The following ZNF540 variants were observed in gnomAD, a reference collection of about 807,000 sequenced individuals.
The protein encoded by ZNF540 is zinc finger protein 540.
Under a neutral mutation model 11.8 loss-of-function variants are expected in ZNF540, and 3 were observed. That is an observed-to-expected ratio of 0.25 (90% CI 0.12 to 0.65). The LOEUF is 0.65. Among genes scored for constraint, ZNF540 ranks in the 30% least tolerant of loss-of-function variants. ZNF540 has a pLI of 0.83. For synonymous variants in ZNF540, 247 were observed against 259.0 expected, an observed-to-expected ratio of 0.95 and a Z score of 0.45; for missense variants, 709 against 793.1, an observed-to-expected ratio of 0.89 and a Z score of 1.27.
At position 37,566,178 on chromosome 19, in the gene ZNF540, T is replaced by C. The variant is rs746416785; in HGVS notation, c.-73+14513T>C. 7 of 1,614,010 alleles carry C rather than the reference T, an allele frequency of 4.3e-6. No homozygotes were observed. The South Asian group carries it at 5.5e-5, about 13-fold the overall frequency. The stretch of plus-strand genomic sequence containing the variant: ...CACTCCATATTGTCTCCAAGACCAT[T>C]GTATTGAAGGTGATGGTTGATACGT... On this transcript the variant is annotated intron_variant, in intron 1 of 4. Coordinates refer to the ZNF540 transcript ENST00000592533.
At position 37,611,615 on chromosome 19, in the gene ZNF540, G is replaced by C. The variant is rs201075691; in HGVS notation, c.335G>C (p.Arg112Pro). The part of the protein sequence containing the change: ...ESIIEKSKTL[R>P]LKGSIFRNEW... ...ATAATAGAAAAAAGTAAAACTCTTCGTCTGAAAGGATCCATTTTTAGAAAT... is the reference window on the plus strand; with the variant it reads ...ATAATAGAAAAAAGTAAAACTCTTCCTCTGAAAGGATCCATTTTTAGAAAT... Residue 112 changes from arginine (R) to proline (P), a missense_variant, in exon 5 of 5, where the codon CGT (arginine) becomes CCT (proline). Coordinates refer to ENST00000316433, the MANE Select transcript of ZNF540 (RefSeq NM_001172225.3). 92 of 1,613,846 alleles carry C rather than the reference G, an allele frequency of 5.7e-5. 1 individual carries two copies. In the South Asian group the frequency reaches 9.7e-4, roughly 17 times the overall value.
At position 37,551,861 on chromosome 19, in the gene ZNF540, T is replaced by C. The variant is rs1289968179; in HGVS notation, c.-73+196T>C. ...GGGGGGTGGTGTCTGGTGAAAAGAA[T>C]GTGTCTCGTGCGGTGGAGCGCCGTT... On this transcript the variant is annotated intron_variant, in intron 1 of 4. Transcript: ENST00000592533. Among the ~76,000 whole-genome samples, 5 of 151,822 alleles carry C rather than the reference T, an allele frequency of 3.3e-5. 1 individual carries two copies. The highest frequency in any genetic ancestry group is 1.2e-4 in the African/African-American group (5 of 41,300).
intron 1 of ZNF540, chr19:37,560,997 A>T (rs1203087742): frequency 6.9e-6 from 1 of 145,270 alleles, no homozygotes; most frequent in Non-Finnish European, 1.5e-5. Flanking sequence ...GGATCACTTG[A>T]AGCCCGGGAT....
At chr19:37,575,142 ACT>A (rs1056084805) in intron 1 of ZNF540, among the ~76,000 whole-genome samples, 3 of 152,144 alleles carry the variant, frequency 2.0e-5, no homozygotes, top group Admixed American at 6.5e-5. Context: ...CTATAACCTG[ACT>A]CTGCTACTTG....
At chr19:37,584,805 A>G (rs142045985) in intron 1 of ZNF540, among the ~76,000 whole-genome samples, 3,276 of 152,068 alleles carry the variant, frequency 0.022, 121 homozygotes, top group African/African-American at 0.074. Flanking sequence ...TACTAAAAAT[A>G]CAAAAAAAAT....
intron 1 of ZNF540, among the ~76,000 whole-genome samples, chr19:37,595,628 C>T (rs1310923651): frequency 6.6e-6 from 1 of 152,176 alleles, no homozygotes; most frequent in Non-Finnish European, 1.5e-5. Context: ...TATCTCCTGG[C>T]TTCAGTTTTC....
intron 4 of ZNF540, among the ~76,000 whole-genome samples, chr19:37,609,049 A>G (rs1294009980): frequency 6.6e-6 from 1 of 152,180 alleles, no homozygotes; most frequent in Admixed American, 6.5e-5. Context: ...TCTCCCAGCC[A>G]TCTCTTCATA....
rs2043975309 is a variant in ZNF540, at chr19:37,595,050, C to A, written c.-118C>A. 6.6e-6 allele frequency: 1 copy of A among 152,194 alleles called. No individual in the cohort carries two copies. Among genetic ancestry groups the A allele is most frequent in the Admixed American group, 6.5e-5 (1 of 15,286 alleles). The allele number at this position is 152,194 out of a possible 1,614,324, so 9.4% of individuals were successfully genotyped here. ...AGGTTGAGTCTTGCCGTGGTGCCTT[C>A]AGGGGAATGTCATCCCGGGCTAGAA... On this transcript the variant is annotated 5_prime_UTR_variant, in exon 1 of 5. Coordinates refer to ENST00000316433, the MANE Select transcript of ZNF540 (RefSeq NM_001172225.3).
chr19:37,586,842 G>A, intron 1 of ZNF540: 1 of 729,036 alleles, frequency 1.4e-6, no homozygotes, highest in Non-Finnish European at 2.3e-6. Flanking sequence ...TTGGGAATTT[G>A]GAAAAAATCT....
chr19:37,582,821 G>A (rs1462886780), intron 1 of ZNF540, among the ~76,000 whole-genome samples: 1 of 152,100 alleles, frequency 6.6e-6, no homozygotes, highest in Non-Finnish European at 1.5e-5. Flanking sequence ...GTTATCTCTA[G>A]TGTGAACTTC....
intron 1 of ZNF540, among the ~76,000 whole-genome samples, chr19:37,572,413 T>C (rs1485367575): frequency 1.3e-5 from 2 of 152,242 alleles, no homozygotes; most frequent in Non-Finnish European, 2.9e-5. Context: ...TCCTACTCCA[T>C]CTTGCTCAAG....
At chr19:37,555,822 C>T in intron 1 of ZNF540, 2 of 684,394 alleles carry the variant, frequency 2.9e-6, no homozygotes, top group Non-Finnish European at 5.3e-6. Context: ...GAATTAGGGT[C>T]ATGGACAGTT....
rs752847014 is a variant in ZNF540, at chr19:37,613,247, C to G, written c.1967C>G (p.Thr656Ser). The change falls in exon 5 of 5, where the codon ACT becomes AGT. Residue 656 changes from threonine to serine, a missense_variant. By Grantham distance (58) the Thr-to-Ser change is moderately conservative. Coordinates refer to ENST00000316433, the MANE Select transcript of ZNF540 (RefSeq NM_001172225.3). ...QYSHLYQHQK[T>S]HNVI is the part of the protein sequence containing the mutation. ...TCACATCTTTATCAACATCAGAAAA[C>G]TCATAATGTAATTTAATATAAGAAA... is the stretch of plus-strand genomic sequence containing the variant. The G allele has an allele frequency of 6.7e-7, 1 of 1,498,448 alleles. No individual in the cohort carries two copies. The highest frequency in any genetic ancestry group is 8.9e-7 in the Non-Finnish European group (1 of 1,123,056). 92.8% of individuals were successfully genotyped at this position (1,498,448 alleles called of 1,614,324 possible).
Position 37,613,071 on chromosome 19 carries a change from T to A in ZNF540, c.1791T>A (p.His597Gln), listed in dbSNP as rs756271110. Residue 597 changes from histidine to glutamine, a missense_variant, in exon 5 of 5, where the codon CAT becomes CAA. Coordinates refer to ENST00000316433, the MANE Select transcript of ZNF540 (RefSeq NM_001172225.3). ...GTCGTAGTGTAGACCTTAGAATACATCAAAGAATTCATACTGGTGAGAAAC... is the reference window on the plus strand; with the variant it reads ...GTCGTAGTGTAGACCTTAGAATACAACAAAGAATTCATACTGGTGAGAAAC... The part of the protein sequence containing the change: ...AFSRSVDLRI[H>Q]QRIHTGEKPY... 1.9e-6 allele frequency: 3 copies of A among 1,613,858 alleles called. No individual in the cohort carries two copies. In the East Asian group the frequency reaches 6.7e-5, roughly 36 times the overall value.
chr19:37,572,974 A>G (rs942007380), intron 1 of ZNF540, among the ~76,000 whole-genome samples: 5 of 152,226 alleles, frequency 3.3e-5, no homozygotes, highest in African/African-American at 4.8e-5. Flanking sequence ...CTACGTCTCA[A>G]TAATATTTGT....
At chr19:37,591,795 CG>C (rs2043876400), upstream of ZNF540, among the ~76,000 whole-genome samples, 1 of 152,098 alleles carries the variant, frequency 6.6e-6, no homozygotes, top group African/African-American at 2.4e-5. Flanking sequence ...TCGCCTGCCT[CG>C]GCCTCCCAAA....
At chr19:37,565,849 T>C (rs1227293994) in intron 1 of ZNF540, 2 of 1,613,752 alleles carry the variant, frequency 1.2e-6, no homozygotes, top group African/African-American at 1.3e-5. Context: ...ACTCATAAGG[T>C]TTCTCACCAG....
At position 37,599,842 on chromosome 19, in the gene ZNF540, T is replaced by C. The variant is rs1303067219; in HGVS notation, c.136+90T>C. 13 of 1,385,954 alleles carry C rather than the reference T, an allele frequency of 9.4e-6. No homozygotes were observed. The East Asian group carries it at 2.9e-4, about 31-fold the overall frequency. 85.9% of individuals were successfully genotyped at this position (1,385,954 alleles called of 1,614,324 possible). On this transcript the variant is annotated intron_variant, in intron 3 of 4. Coordinates refer to ENST00000316433, the MANE Select transcript of ZNF540 (RefSeq NM_001172225.3). ...AATTTAGGACTAATTATTAAGAAACTAGCTGAATTTCTTCTCTCTTCCTCA... is the reference window on the plus strand; with the variant it reads ...AATTTAGGACTAATTATTAAGAAACCAGCTGAATTTCTTCTCTCTTCCTCA...
chr19:37,573,758 C>T (rs2043146285), intron 1 of ZNF540, among the ~76,000 whole-genome samples: 1 of 151,222 alleles, frequency 6.6e-6, no homozygotes, highest in African/African-American at 2.4e-5. Context: ...TCACTTCAGC[C>T]CGAGTGTGAG....
Sources: allele counts gnomAD v4.1 joint callset (sites outside exome capture counted in the v4.1 genomes callset), GRCh38; gene constraint gnomAD v4.1.1; transcripts MANE v1.5; gene names NCBI Gene and HGNC (gene_info 2026-07-23, HGNC 2026-07-21).